The following VWDE variants were observed in gnomAD, a reference collection of about 807,000 sequenced individuals.
The protein encoded by VWDE is von Willebrand factor D and EGF domains.
VWDE carries 207 observed loss-of-function variants against 178.4 expected under a neutral mutation model. That is an observed-to-expected ratio of 1.16 (90% CI 1.04 to 1.30). The LOEUF is 1.30. VWDE is among the 50% of genes most tolerant of loss of function. The pLI, the probability that VWDE is intolerant of heterozygous loss-of-function variation, is 0.00. For synonymous variants in VWDE, 738 were observed against 651.4 expected (o/e 1.13, Z -2.02); for missense variants, 2,287 against 1,901.3 (o/e 1.20, Z -3.77).
Position 12,367,421 on chromosome 7 carries a change from A to C in VWDE, c.2834T>G (p.Val945Gly). The change falls in exon 13 of 29, where the codon GTG (valine) becomes GGG (glycine). Residue 945 changes from valine to glycine, a missense_variant. Transcript: ENST00000275358. Reference sequence around the variant, plus strand: ...TTTGAAGCCTTTGCCAAAAACTCTCACCATCATACAATTATATTTTTGAAC... The same window carrying C: ...TTTGAAGCCTTTGCCAAAAACTCTCCCCATCATACAATTATATTTTTGAAC... ...CDVQKYNCMMVRVFGKGFKEL... is the reference protein window; with the variant it reads ...CDVQKYNCMMGRVFGKGFKEL... 6.5e-7 allele frequency: 1 copy of C among 1,547,152 alleles called. No individual in the cohort carries two copies. Among genetic ancestry groups the C allele is most frequent in the Non-Finnish European group, 8.7e-7 (1 of 1,144,590 alleles).
chr7:12,392,759 C>A (rs903583619), intron 2 of VWDE, among the ~76,000 whole-genome samples: 4 of 144,138 alleles, frequency 2.8e-5, no homozygotes, highest in African/African-American at 5.2e-5. Context: ...GCTATGATCA[C>A]AATCATATCG....
At position 12,354,595 on chromosome 7, in the gene VWDE, C is replaced by G. The variant is rs1021366767; in HGVS notation, c.3745+1516G>C. On this transcript the variant is annotated intron_variant, in intron 18 of 28. Coordinates refer to ENST00000275358, the MANE Select transcript of VWDE (RefSeq NM_001135924.3). Reference sequence around the variant, plus strand: ...CTTTTTATGTCTGTCCTTCTAACCCCAAAAGAGCTGCTATGCATTATGAGG... The same window carrying G: ...CTTTTTATGTCTGTCCTTCTAACCCGAAAAGAGCTGCTATGCATTATGAGG... The G allele has an allele frequency of 2.3e-4, 53 of 228,086 alleles. No individual in the cohort carries two copies. In the Middle Eastern group the frequency reaches 7.9e-3, roughly 34 times the overall value. The allele number at this position is 228,086 out of a possible 1,614,324, so 14.1% of individuals were successfully genotyped here. A position where few individuals can be genotyped will look rare whatever the true frequency, so the allele number is the denominator to read the frequency against.
intron 12 of VWDE, among the ~76,000 whole-genome samples, chr7:12,368,637 G>A (rs1782990139): frequency 6.6e-6 from 1 of 152,074 alleles, no homozygotes; most frequent in African/African-American, 2.4e-5. Context: ...TAGGGATTGT[G>A]GACTTTACTC....
rs182385523 is a variant in VWDE, at chr7:12,389,238, T to G, written c.364A>C (p.Thr122Pro). 7.7e-5 allele frequency: 119 copies of G among 1,551,710 alleles called. No homozygotes were observed. Among genetic ancestry groups the G allele is most frequent in the Admixed American group, 2.0e-4 (10 of 50,996 alleles). ...TGAAAGAGACAGCAGTCTTTTGTAGTGCTGAACAAAAACTGCCATGTTGCA... is the reference window on the plus strand; with the variant it reads ...TGAAAGAGACAGCAGTCTTTTGTAGGGCTGAACAAAAACTGCCATGTTGCA... ...ACATWQFLFS[T>P]TKDCCLFQIP... The change falls in exon 3 of 29, where the codon ACT (threonine) becomes CCT (proline). Residue 122 changes from threonine to proline, a missense_variant. Coordinates refer to ENST00000275358, the MANE Select transcript of VWDE (RefSeq NM_001135924.3).
intron 19 of VWDE, among the ~76,000 whole-genome samples, chr7:12,347,598 G>C (rs929870995): frequency 2.6e-5 from 4 of 151,426 alleles, no homozygotes; most frequent in Non-Finnish European, 5.9e-5. Flanking sequence ...AACATATAAG[G>C]GACTTTAAAT....
intron 16 of VWDE, among the ~76,000 whole-genome samples, chr7:12,359,202 C>T (rs936926176): frequency 6.6e-6 from 1 of 152,166 alleles, no homozygotes; most frequent in Admixed American, 6.5e-5. Flanking sequence ...CATGACATCA[C>T]ACAACAGTAG....
rs1395574388 is a variant in VWDE at position 12,344,356 on chromosome 7, A to C, written c.3982+18T>G. On this transcript the variant is annotated intron_variant, in intron 20 of 28. Coordinates refer to ENST00000275358, the MANE Select transcript of VWDE (RefSeq NM_001135924.3). ...CAAATACAATTTATCATGCAAACTA[A>C]TGAATGATGTTACCTACCAGTTTGG... is the stretch of plus-strand genomic sequence containing the variant. 6.5e-7 allele frequency: 1 copy of C among 1,549,374 alleles called. No individual in the cohort carries two copies.
intron 3 of VWDE, 156 bp downstream of exon 3, chr7:12,388,971 A>C (rs1413894819): frequency 2.7e-6 from 2 of 737,608 alleles, no homozygotes; most frequent in Admixed American, 2.0e-5. Flanking sequence ...AAGAAATTTG[A>C]CCAATGTAAA....
chr7:12,393,284 A>G (rs192853498), intron 2 of VWDE, among the ~76,000 whole-genome samples: 12 of 152,322 alleles, frequency 7.9e-5, no homozygotes, highest in African/African-American at 2.6e-4. Flanking sequence ...CTGTGACTGT[A>G]AGAGCACTAT....
rs781146887 is a variant in VWDE, at chr7:12,389,319, GAGAC to G, written c.279_282del (p.Ser94Ter). ...GATGGCAGTGTTTCTGAATCTCTCA[GAGAC>G]AGCCAGATGGGGGCCTGAGTTCCAC... On this transcript the variant is annotated frameshift_variant, in exon 3 of 29. Coordinates refer to ENST00000275358, the MANE Select transcript of VWDE (RefSeq NM_001135924.3). LOFTEE classifies it high-confidence loss of function. 8 of 1,550,710 alleles carry G rather than the reference GAGAC, an allele frequency of 5.2e-6. No homozygotes were observed. The South Asian group carries it at 9.5e-5, about 18-fold the overall frequency.
intron 19 of VWDE, among the ~76,000 whole-genome samples, chr7:12,346,903 G>GAT (rs958443006): frequency 1.6e-4 from 24 of 152,044 alleles, no homozygotes; most frequent in African/African-American, 5.3e-4. Context: ...ACCAGAAAAA[G>GAT]ACAGAAGAAA....
chr7:12,348,135 A>G lies in VWDE; in HGVS notation c.3886+3438T>C, dbSNP rs1781715715. 2.0e-5 allele frequency among the ~76,000 whole-genome samples: 3 copies of G among 151,774 alleles called. No individual in the cohort carries two copies. The South Asian group carries it at 6.2e-4, about 32-fold the overall frequency. ...CCATAAAAACCCTAGAAGAAAACCT[A>G]GGCAATACCATTCAGGACACAGGCA... On this transcript the variant is annotated intron_variant, in intron 19 of 28. Transcript: ENST00000275358.
At position 12,361,732 on chromosome 7, in the gene VWDE, A is replaced by G. The variant is rs1186194812; in HGVS notation, c.2899-211T>C. ...ATATGATGCAAATTGCTCCCAATGA[A>G]TCATGCATTTCTTGGCGGTTCAAAT... On this transcript the variant is annotated intron_variant, in intron 13 of 28. Coordinates refer to ENST00000275358, the MANE Select transcript of VWDE (RefSeq NM_001135924.3). 1.1e-4 allele frequency among the ~76,000 whole-genome samples: 17 copies of G among 152,132 alleles called. 1 individual carries two copies. Among genetic ancestry groups the G allele is most frequent in the Admixed American group, 1.1e-3 (17 of 15,228 alleles).
At chr7:12,389,596 T>C (rs1224053998) in intron 2 of VWDE, among the ~76,000 whole-genome samples, 3 of 152,200 alleles carry the variant, frequency 2.0e-5, no homozygotes, top group Non-Finnish European at 4.4e-5. Context: ...TATTAATACA[T>C]TTATTCCATT....
chr7:12,369,897 C>A lies in VWDE; in HGVS notation c.2409G>T (p.Glu803Asp). 1 of 1,551,454 alleles carries A rather than the reference C, an allele frequency of 6.4e-7. No homozygotes were observed. The highest frequency in any genetic ancestry group is 8.7e-7 in the Non-Finnish European group (1 of 1,146,882). ...CCTGACAGAGGGTCAAGGTGCTATA[C>A]TCGGTGAGGCCAGAGGGAGTGGGCC... The part of the protein sequence containing the change: ...PSWPTPSGLT[E>D]YSTLTLCQET... Residue 803 changes from glutamate to aspartate, a missense_variant, in exon 12 of 29, where the codon GAG becomes GAT. Coordinates refer to ENST00000275358, the MANE Select transcript of VWDE (RefSeq NM_001135924.3).
Position 12,379,550 on chromosome 7 carries a change from G to T in VWDE, c.806C>A (p.Ser269Tyr). ...ATGAGGATTCTCCAAGAAAAAGACA[G>T]AAGCGCTGCAGAATATCTATGGATA... Reference protein sequence around the residue: ...RLGDRIFCSASVFFLENPHVQ... With the variant: ...RLGDRIFCSAYVFFLENPHVQ... The change falls in exon 6 of 29, where the codon TCT becomes TAT. Residue 269 changes from serine to tyrosine, a missense_variant. Physicochemically the swap from Ser to Tyr is moderately radical, Grantham distance 144 (BLOSUM62 -2). Transcript: ENST00000275358. 4 of 1,548,562 alleles carry T rather than the reference G, an allele frequency of 2.6e-6. No individual in the cohort carries two copies. In the South Asian group the frequency reaches 4.8e-5, roughly 19 times the overall value.
At position 12,333,570 on chromosome 7, in the gene VWDE, T is replaced by G; in HGVS notation, c.4655-2A>C. Reference sequence around the variant, plus strand: ...AAAGACATTTTGGGTTGCAAATTGCTGCAATACACAAATTTTTACAATGAC... The same window carrying G: ...AAAGACATTTTGGGTTGCAAATTGCGGCAATACACAAATTTTTACAATGAC... On this transcript the variant is annotated splice_acceptor_variant, in intron 27 of 28. Coordinates refer to ENST00000275358, the MANE Select transcript of VWDE (RefSeq NM_001135924.3). LOFTEE classifies it high-confidence loss of function. 6.5e-7 allele frequency: 1 copy of G among 1,546,072 alleles called. No individual in the cohort carries two copies. Among genetic ancestry groups the G allele is most frequent in the Non-Finnish European group, 8.8e-7 (1 of 1,142,080 alleles).
chr7:12,351,653 T>C lies in VWDE; in HGVS notation c.3806A>G (p.Lys1269Arg). 1 of 1,550,494 alleles carries C rather than the reference T, an allele frequency of 6.4e-7. No individual in the cohort carries two copies. Among genetic ancestry groups the C allele is most frequent in the Non-Finnish European group, 8.7e-7 (1 of 1,146,428 alleles). ...TQTVVLTRSD[K>R]SVNKEEDDKN... ...ATCATCCTCTTCTTTATTTACACTT[T>C]TATCAGATCTTGTGAGAACCACAGT... The change falls in exon 19 of 29, where the codon AAA (lysine) becomes AGA (arginine). Residue 1269 changes from lysine (K) to arginine (R), a missense_variant. By Grantham distance (26) the Lys-to-Arg change is conservative (BLOSUM62 2). Transcript: ENST00000275358.
chr7:12,362,232 C>A (rs544129858), intron 13 of VWDE, among the ~76,000 whole-genome samples: 2 of 151,332 alleles, frequency 1.3e-5, no homozygotes, highest in Non-Finnish European at 3.0e-5. Context: ...CACACACACA[C>A]ACACACACAC....
Sources: allele counts gnomAD v4.1 joint callset (sites outside exome capture counted in the v4.1 genomes callset), GRCh38; gene constraint gnomAD v4.1.1; transcripts MANE v1.5; gene names NCBI Gene and HGNC (gene_info 2026-07-23, HGNC 2026-07-21).